Variants in EFCAB10 observed in about 807,000 individuals in gnomAD.
EFCAB10 encodes EF-hand calcium-binding domain-containing protein 10.
In EFCAB10, 7 loss-of-function variants were observed where a neutral mutation model predicts 7.7. That is an observed-to-expected ratio of 0.91 (90% CI 0.52 to 1.72). The LOEUF (loss-of-function observed/expected upper bound fraction) is 1.72. EFCAB10 is among the 40% of genes most tolerant of loss of function. EFCAB10 has a pLI of 0.00. For synonymous variants in EFCAB10, 52 were observed against 21.0 expected (o/e 2.47, Z -4.03); for missense variants, 112 against 61.5 (o/e 1.82, Z -2.74).
At chr7:105,567,028 T>G (rs1423484658) in intron 4 of EFCAB10, 3 of 715,590 alleles carry the variant, frequency 4.2e-6, no homozygotes, top group African/African-American at 3.6e-5. Flanking sequence ...GGACCAGCAG[T>G]GCAGAGAAGC....
intron 1 of EFCAB10, among the ~76,000 whole-genome samples, chr7:105,575,304 C>A (rs1349560528): frequency 6.6e-6 from 1 of 151,918 alleles, no homozygotes; most frequent in Non-Finnish European, 1.5e-5. Flanking sequence ...AATATATATA[C>A]ACATACATAT....
In EFCAB10 at chr7:105,567,841, G is replaced by A. The variant is rs111901900; in HGVS notation, c.360-351C>T. ...GAGGCAGGAGTGCGAAAACATCCTG[G>A]CCAACATGTCAAGACCCTGATGCAT... On this transcript the variant is annotated intron_variant, in intron 3 of 4. Transcript: ENST00000480514. Among the ~76,000 whole-genome samples the A allele has an allele frequency of 8.5e-3, 1,300 of 152,170 alleles. 16 individuals are homozygous for A. The highest frequency in any genetic ancestry group is 0.03 in the African/African-American group (1,239 of 41,516).
At chr7:105,565,566 G>A (rs1791683776) in intron 4 of EFCAB10, 119 bp from the exon 5 acceptor site, 1 of 1,613,832 alleles carries the variant, frequency 6.2e-7, no homozygotes, top group African/African-American at 1.3e-5. Context: ...AGGAGGAGCA[G>A]CCCAGCTGCA....
At chr7:105,565,836 CAA>C (rs1260184462) in intron 4 of EFCAB10, among the ~76,000 whole-genome samples, 3 of 152,276 alleles carry the variant, frequency 2.0e-5, no homozygotes, top group South Asian at 4.1e-4. Flanking sequence ...CCCATGACCT[CAA>C]AAAGTTTCAG....
At chr7:105,577,251 G>C (rs1792103601) in intron 1 of EFCAB10, among the ~76,000 whole-genome samples, 2 of 152,134 alleles carry the variant, frequency 1.3e-5, no homozygotes, top group South Asian at 4.1e-4. Context: ...TGGGTGCAAG[G>C]CTTTTTGTGC....
At position 105,569,270 on chromosome 7, in the gene EFCAB10, A is replaced by G. The variant is rs1358007153; in HGVS notation, c.292T>C (p.Cys98Arg). ...TCTTGTAAATCTTCATCTTCAGTGC[A>G]TAGACCCAGGGTTTTTAGGGCTGTA... ...YKEALKTLGL[C>R]TEDEDLQDDG... Residue 98 changes from cysteine (C) to arginine (R), a missense_variant, in exon 3 of 5, where the codon TGC becomes CGC. Transcript: ENST00000480514. The G allele has an allele frequency of 4.3e-6, 3 of 702,578 alleles. No individual in the cohort carries two copies. Among genetic ancestry groups the G allele is most frequent in the Non-Finnish European group, 7.8e-6 (3 of 384,970 alleles). The allele number at this position is 702,578 out of a possible 1,614,324, so 43.5% of individuals were successfully genotyped here. A position where few individuals can be genotyped will look rare whatever the true frequency, so the allele number is the denominator to read the frequency against.
chr7:105,571,070 C>G (rs1791938692), intron 1 of EFCAB10: 1 of 151,968 alleles, frequency 6.6e-6, no homozygotes, highest in South Asian at 2.1e-4. Flanking sequence ...CTGAGAATTT[C>G]ATGTTTATAA....
chr7:105,568,404 G>GT (rs1791847858), intron 3 of EFCAB10, among the ~76,000 whole-genome samples: 1 of 152,128 alleles, frequency 6.6e-6, no homozygotes. Flanking sequence ...TTAGCAGTGG[G>GT]TTAGTACTTT....
chr7:105,569,256 TTCA>T lies in EFCAB10; in HGVS notation c.303_305del (p.Asp101del), dbSNP rs1791874586. On this transcript the variant is annotated inframe_deletion, in exon 3 of 5. Transcript: ENST00000480514. The stretch of plus-strand genomic sequence containing the variant: ...TTTTATGTCCATCATCTTGTAAATC[TTCA>T]TCTTCAGTGCATAGACCCAGGGTTT... 1 of 702,328 alleles carries T rather than the reference TTCA, an allele frequency of 1.4e-6. No individual in the cohort carries two copies. The highest frequency in any genetic ancestry group is 1.7e-5 in the African/African-American group (1 of 57,254). 43.5% of individuals were successfully genotyped at this position (702,328 alleles called of 1,614,324 possible).
At chr7:105,570,840 C>T (rs996250266) in intron 1 of EFCAB10, among the ~76,000 whole-genome samples, 5 of 152,054 alleles carry the variant, frequency 3.3e-5, no homozygotes, top group African/African-American at 7.2e-5. Context: ...CCGGCTAACA[C>T]GGTGAAACCC....
chr7:105,567,470 AT>A lies in EFCAB10; in HGVS notation c.379del (p.Ile127TyrfsTer18), dbSNP rs1406819285. 5.6e-6 allele frequency: 4 copies of A among 712,238 alleles called. No individual in the cohort carries two copies. The African/African-American group carries it at 7.0e-5, about 12-fold the overall frequency. The allele number at this position is 712,238 out of a possible 1,614,324, so 44.1% of individuals were successfully genotyped here. On this transcript the variant is annotated frameshift_variant, in exon 4 of 5. Transcript: ENST00000480514. LOFTEE classifies it high-confidence loss of function. ...KEEVNKRMKE[I>X] Reference sequence around the variant, plus strand: ...ATGGTGTTATTAAAATGCTGACCATATTTCCTTCATCCTCTTGTTCCTAAGG... The same window carrying A: ...ATGGTGTTATTAAAATGCTGACCATATTCCTTCATCCTCTTGTTCCTAAGG...
chr7:105,569,393 T>A lies in EFCAB10; in HGVS notation c.271+14A>T, dbSNP rs1307402499. 3 of 696,624 alleles carry A rather than the reference T, an allele frequency of 4.3e-6. No individual in the cohort carries two copies. The South Asian group carries it at 4.6e-5, about 11-fold the overall frequency. The allele number at this position is 696,624 out of a possible 1,614,324, so 43.2% of individuals were successfully genotyped here. ...GACCACAAACTATTACCTCAATTTG[T>A]AGAATGTACTGACCTTCTTTATACT... On this transcript the variant is annotated intron_variant, in intron 2 of 4. Coordinates refer to ENST00000480514, the MANE Select transcript of EFCAB10 (RefSeq NM_001355526.2).
chr7:105,570,784 G>A (rs1044253750), intron 1 of EFCAB10, among the ~76,000 whole-genome samples: 1 of 152,098 alleles, frequency 6.6e-6, no homozygotes, highest in Non-Finnish European at 1.5e-5. Flanking sequence ...CAGCACTTTG[G>A]GACGCCGAGG....
chr7:105,573,279 T>C (rs1791993981), intron 1 of EFCAB10: 3 of 152,212 alleles, frequency 2.0e-5, no homozygotes, highest in African/African-American at 7.2e-5. Context: ...AGTCACATTT[T>C]GTATGAGGTC....
rs775872148 is a variant in EFCAB10 at position 105,565,294 on chromosome 7, CTCAG to C, written c.*149_*152del. 4 of 1,596,646 alleles carry C rather than the reference CTCAG, an allele frequency of 2.5e-6. No homozygotes were observed. Among genetic ancestry groups the C allele is most frequent in the Non-Finnish European group, 2.6e-6 (3 of 1,168,858 alleles). The stretch of plus-strand genomic sequence containing the variant: ...TTTTCCAGATGGTTGTCCTTGCCAT[CTCAG>C]TCAGAGCAGGCAGTGATGTCCCTGT... On this transcript the variant is annotated 3_prime_UTR_variant, in exon 5 of 5. Transcript: ENST00000480514.
intron 3 of EFCAB10, among the ~76,000 whole-genome samples, chr7:105,568,988 T>C (rs1791865996): frequency 6.7e-6 from 1 of 150,202 alleles, no homozygotes; most frequent in East Asian, 1.9e-4. Context: ...GAGCTGCCTC[T>C]GGAACTTCCT....
chr7:105,570,240 A>AAAATATATATAT (rs35907051), intron 1 of EFCAB10, among the ~76,000 whole-genome samples: 1 of 24,884 alleles, frequency 4.0e-5, no homozygotes, highest in Admixed American at 6.6e-4. Context: ...AAAAAAAAAA[A>AAAATATATATAT]ATATATATAT....
rs113110901 is a variant in EFCAB10, at chr7:105,575,262, C to T, written c.107-5691G>A. Reference sequence around the variant, plus strand: ...GTGGGAATTCAAGATGAGATTTGGGCGGGGATACAGCCAAACTATATCATA... The same window carrying T: ...GTGGGAATTCAAGATGAGATTTGGGTGGGGATACAGCCAAACTATATCATA... On this transcript the variant is annotated intron_variant, in intron 1 of 4. Coordinates refer to ENST00000480514, the MANE Select transcript of EFCAB10 (RefSeq NM_001355526.2). Among the ~76,000 whole-genome samples the T allele has an allele frequency of 3.4e-3, 524 of 152,048 alleles. 3 individuals are homozygous for T. The highest frequency in any genetic ancestry group is 0.012 in the African/African-American group (483 of 41,468).
Position 105,565,189 on chromosome 7 carries a change from C to A in EFCAB10, c.*258G>T. 2.5e-6 allele frequency: 3 copies of A among 1,214,760 alleles called. No individual in the cohort carries two copies. The highest frequency in any genetic ancestry group is 1.6e-5 in the South Asian group (1 of 63,576). 75.2% of individuals were successfully genotyped at this position (1,214,760 alleles called of 1,614,324 possible). A position where few individuals can be genotyped will look rare whatever the true frequency, so the allele number is the denominator to read the frequency against. On this transcript the variant is annotated 3_prime_UTR_variant, in exon 5 of 5. Coordinates refer to ENST00000480514, the MANE Select transcript of EFCAB10 (RefSeq NM_001355526.2). The stretch of plus-strand genomic sequence containing the variant: ...TTTTCTTATCCAAAATGCCCTAGGA[C>A]AGAACACTTCCTCAAATTTAAAATG...
Sources: allele counts gnomAD v4.1 joint callset (sites outside exome capture counted in the v4.1 genomes callset), GRCh38; gene constraint gnomAD v4.1.1; transcripts MANE v1.5; gene names NCBI Gene and HGNC (gene_info 2026-07-23, HGNC 2026-07-21).